REPS2: variants seen among roughly 807,000 people sequenced by gnomAD.
REPS2 encodes RALBP1 associated Eps domain containing 2.
A neutral mutation model predicts 53.6 loss-of-function variants in REPS2; 23 were observed. The ratio of observed to expected loss-of-function variants is 0.43; its 90% CI spans 0.31 to 0.61. The LOEUF (loss-of-function observed/expected upper bound fraction) is 0.61. REPS2 is among the 20% of genes least tolerant of loss of function. The probability of loss-of-function intolerance (pLI) is 0.11; values close to 1 mark genes in which losing one functional copy is unlikely to be tolerated. For synonymous variants in REPS2, 238 were observed against 218.6 expected (o/e 1.09, Z -0.78); for missense variants, 446 against 534.9 (o/e 0.83, Z 1.64).
chrX:17,083,863 T>G (rs2062494748), intron 13 of REPS2, among the ~76,000 whole-genome samples: 1 of 110,933 alleles, frequency 9.0e-6, no homozygotes. Flanking sequence ...TCTGGGCAGT[T>G]TTTTTGTTTT....
chrX:16,977,434 G>T (rs2060968908), intron 1 of REPS2, among the ~76,000 whole-genome samples: 1 of 111,035 alleles, frequency 9.0e-6, no homozygotes, highest in Admixed American at 9.6e-5. Context: ...TAATGACATG[G>T]CTGGATGCGA....
At chrX:17,050,229 G>C (rs2096445286) in intron 6 of REPS2, among the ~76,000 whole-genome samples, 1 of 51,438 alleles carries the variant, frequency 1.9e-5, no homozygotes, top group Admixed American at 2.6e-4. Flanking sequence ...CTTACTCTGT[G>C]CCTAGGCTGG....
At chrX:17,045,156 C>CCTGGGTGAAGATGTTTAGGAACACT (rs1602782395) in intron 5 of REPS2, among the ~76,000 whole-genome samples, 1 of 109,786 alleles carries the variant, frequency 9.1e-6, no homozygotes, top group Non-Finnish European at 1.9e-5. Flanking sequence ...TGGTCTTGAA[C>CCTGGGTGAAGATGTTTAGGAACACT]TCCTGACCTC....
At chrX:17,164,405 A>G in the REPS2 span, among the ~76,000 whole-genome samples, 2 of 112,354 alleles carry the variant, frequency 1.8e-5, no homozygotes, top group Non-Finnish European at 3.8e-5. Context: ...AAAAAGATAT[A>G]TCATGAAACA....
At chrX:17,176,829 T>G in the REPS2 span, among the ~76,000 whole-genome samples, 15,762 of 111,699 alleles carry the variant, frequency 0.14, 852 homozygotes, top group Admixed American at 0.18. Flanking sequence ...CTGCTGGCCC[T>G]TCAGAGGCAG....
chrX:17,042,933 C>T (rs929287246), intron 5 of REPS2, among the ~76,000 whole-genome samples: 5 of 105,697 alleles, frequency 4.7e-5, no homozygotes, highest in African/African-American at 1.7e-4. Flanking sequence ...GTAGCTGGAA[C>T]TACAAGTGCA....
intron 11 of REPS2, among the ~76,000 whole-genome samples, chrX:17,073,862 C>G (rs957090368): frequency 3.7e-5 from 4 of 107,901 alleles, no homozygotes; most frequent in Admixed American, 2.0e-4. Flanking sequence ...CATTAATTAA[C>G]TTGGATTTGA....
At chrX:16,951,557 A>ACCCC (rs1432722996) in intron 1 of REPS2, among the ~76,000 whole-genome samples, 16 of 22,211 alleles carry the variant, frequency 7.2e-4, no homozygotes, top group Admixed American at 2.3e-3. Flanking sequence ...ACACACACAC[A>ACCCC]CACCCCCGCT....
At chrX:17,009,929 C>G (rs2061408413) in intron 2 of REPS2, among the ~76,000 whole-genome samples, 1 of 111,335 alleles carries the variant, frequency 9.0e-6, no homozygotes, top group South Asian at 3.8e-4. Flanking sequence ...GTTCCCCAGT[C>G]TCAGTGGCCT....
chrX:17,053,696 A>T (rs1417550765), intron 7 of REPS2, among the ~76,000 whole-genome samples: 1 of 112,096 alleles, frequency 8.9e-6, no homozygotes, highest in Non-Finnish European at 1.9e-5. Context: ...TTTTGAAAAG[A>T]ATACCATTTG....
At chrX:17,094,042 A>G (rs2062663787) in intron 13 of REPS2, among the ~76,000 whole-genome samples, 1 of 111,111 alleles carries the variant, frequency 9.0e-6, no homozygotes, top group Admixed American at 9.6e-5. Context: ...TCTTTTTCCC[A>G]TGTTGGATTT....
chrX:17,138,799 C>G, intron 16 of REPS2, 57 bp from the exon 17 acceptor site: 2 of 806,964 alleles, frequency 2.5e-6, no homozygotes, highest in South Asian at 2.9e-5. Flanking sequence ...AGTTCTGACC[C>G]TCAAGGGTCC....
chrX:17,120,873 AC>A (rs2063132872), intron 14 of REPS2, among the ~76,000 whole-genome samples: 2 of 111,954 alleles, frequency 1.8e-5, no homozygotes, highest in Non-Finnish European at 3.8e-5. Flanking sequence ...CCATCGGGGA[AC>A]ATGAGTCTTG....
At chrX:16,978,572 C>T in intron 1 of REPS2, 1 of 751,268 alleles carries the variant, frequency 1.3e-6, no homozygotes, top group Non-Finnish European at 1.6e-6. Flanking sequence ...AAAGGAGGAG[C>T]AGTTTTGCTG....
intron 14 of REPS2, among the ~76,000 whole-genome samples, chrX:17,124,919 A>G (rs2063188749): frequency 9.8e-6 from 1 of 102,489 alleles, no homozygotes; most frequent in African/African-American, 3.7e-5. Context: ...TGTGGAGTGC[A>G]GTAGCGAGAT....
intron 1 of REPS2, among the ~76,000 whole-genome samples, chrX:17,004,444 A>G (rs1023876283): frequency 9.9e-6 from 1 of 100,555 alleles, no homozygotes; most frequent in Non-Finnish European, 2.0e-5. Flanking sequence ...TCAGAAGTCC[A>G]TGTGTAAGTT....
At chrX:16,986,535 A>G (rs911096932) in intron 1 of REPS2, among the ~76,000 whole-genome samples, 1 of 112,029 alleles carries the variant, frequency 8.9e-6, no homozygotes, top group Non-Finnish European at 1.9e-5. Flanking sequence ...CCTTTGAGGA[A>G]CCAAGGAGTT....
chrX:17,182,529 T>C, the REPS2 span, among the ~76,000 whole-genome samples: 1 of 111,974 alleles, frequency 8.9e-6, no homozygotes, highest in Non-Finnish European at 1.9e-5. Flanking sequence ...AACTCAAGGC[T>C]GCTGCTGGCC....
chrX:16,995,221 G>A (rs1185379651), intron 1 of REPS2, among the ~76,000 whole-genome samples: 2 of 112,200 alleles, frequency 1.8e-5, no homozygotes, highest in African/African-American at 6.5e-5. Context: ...TCTGTCTCTG[G>A]CTGCTAAGGT....
Sources: allele counts gnomAD v4.1 joint callset (sites outside exome capture counted in the v4.1 genomes callset), GRCh38; gene constraint gnomAD v4.1.1; transcripts MANE v1.5; gene names NCBI Gene and HGNC (gene_info 2026-07-23, HGNC 2026-07-21).